The following RFX2 variants were observed in gnomAD, a reference collection of about 807,000 sequenced individuals.
RFX2 encodes DNA-binding protein RFX2.
Under a neutral mutation model 87.8 loss-of-function variants are expected in RFX2, and 20 were observed. The ratio of observed to expected loss-of-function variants is 0.23; its 90% CI spans 0.16 to 0.33. The LOEUF is 0.33. Among genes scored for constraint, RFX2 ranks in the 10% least tolerant of loss-of-function variants. RFX2 has a pLI of 1.00. For missense variants in RFX2, 767 were observed against 1,012.3 expected (o/e 0.76, Z 3.29); for synonymous variants, 397 against 431.3 (o/e 0.92, Z 0.98).
Position 5,997,135 on chromosome 19 carries a change from G to A in RFX2, c.1938C>T (p.Asp646=), listed in dbSNP as rs774312384. Residue 646 remains aspartate (D), a synonymous_variant, in exon 16 of 18, where the codon GAC becomes GAT. Transcript: ENST00000303657. This position sits in a 1 kb window ranked among gnomAD's most constrained non-coding sequence, Gnocchi z 4.2. Reference sequence around the variant, plus strand: ...GCTCCACCAGGTAGAACATGTACTCGTCGTAGAGCAGGCGGATGAGGTGGA... The same window carrying A: ...GCTCCACCAGGTAGAACATGTACTCATCGTAGAGCAGGCGGATGAGGTGGA... ...GSFHLIRLLY[D]EYMFYLVEHR... The A allele has an allele frequency of 2.4e-5, 39 of 1,613,622 alleles. No homozygotes were observed. The highest frequency in any genetic ancestry group is 1.5e-4 in the Admixed American group (9 of 60,006).
chr19:6,004,170 T>C lies in RFX2; in HGVS notation c.1500+31A>G, dbSNP rs534747814. 1.9e-5 allele frequency: 30 copies of C among 1,548,004 alleles called. No homozygotes were observed. The highest frequency in any genetic ancestry group is 2.7e-5 in the African/African-American group (2 of 73,790). On this transcript the variant is annotated intron_variant, in intron 13 of 17. Transcript: ENST00000303657. The surrounding 1 kb of genome is among the most constrained non-coding windows in gnomAD (Gnocchi z 4.8). ...GGACTGGAGCCCCTCCCAGCCATCG[T>C]TGGGGAGCCCAGGCCCCACCCCGGA...
At chr19:6,054,630 G>A (rs573741858) in intron 1 of RFX2, among the ~76,000 whole-genome samples, 129 of 152,178 alleles carry the variant, frequency 8.5e-4, no homozygotes, top group African/African-American at 3.0e-3. Flanking sequence ...AACAGAGAAA[G>A]AAGTCTTTTA....
At chr19:6,031,423 C>CTTTTTTTTTTTTTTTTTTTTTTTTTTTT (rs58834364) in intron 5 of RFX2, among the ~76,000 whole-genome samples, 2 of 90,184 alleles carry the variant, frequency 2.2e-5, no homozygotes, top group Non-Finnish European at 3.9e-5. Flanking sequence ...TTCTCCTTCC[C>CTTTTTTTTTTTTTTTTTTTTTTTTTTTT]TTTTTTTTTT....
chr19:6,109,720 C>T (rs1293706922), intron 1 of RFX2, among the ~76,000 whole-genome samples: 2 of 152,176 alleles, frequency 1.3e-5, no homozygotes, highest in African/African-American at 4.8e-5. Flanking sequence ...CAGGTGGCCC[C>T]AATTCAGGGA....
rs981390543 is a variant in RFX2, at chr19:6,008,117, G to T, written c.1123C>A (p.Arg375=). ...GCTGGGGCGGTCACCTCGCAGTGCCGTCTGTACACCAGCTGCAGGGCCTTG... is the reference window on the plus strand; with the variant it reads ...GCTGGGGCGGTCACCTCGCAGTGCCTTCTGTACACCAGCTGCAGGGCCTTG... ...DVKALQLVYR[R]HCEATVDVVM... The change falls in exon 10 of 18, where the codon CGG becomes AGG. Residue 375 remains arginine (R), a synonymous_variant. Transcript: ENST00000303657. The T allele has an allele frequency of 1.3e-6, 2 of 1,550,976 alleles. No individual in the cohort carries two copies. The highest frequency in any genetic ancestry group is 2.7e-5 in the African/African-American group (2 of 73,170).
intron 1 of RFX2, among the ~76,000 whole-genome samples, chr19:6,054,128 T>C (rs1453658151): frequency 6.6e-6 from 1 of 152,000 alleles, no homozygotes; most frequent in Non-Finnish European, 1.5e-5. Context: ...TACAAACAAC[T>C]TTAGCCCATA....
At chr19:5,996,991 T>C in intron 16 of RFX2, 69 bp downstream of exon 16, 1 of 1,510,706 alleles carries the variant, frequency 6.6e-7, no homozygotes, top group Non-Finnish European at 8.9e-7. Context: ...TCTGGGCTGC[T>C]CAGAGCACAC....
Position 6,002,622 on chromosome 19 carries a change from G to T in RFX2, c.1650+99C>A. ...CAACAGAACCGTGGCCAGGCTCGGG[G>T]CAGGGGCCAGGTTGTGCCACGGGCT... On this transcript the variant is annotated intron_variant, in intron 14 of 17. Transcript: ENST00000303657. The surrounding 1 kb of genome is among the most constrained non-coding windows in gnomAD (Gnocchi z 6.7). The T allele has an allele frequency of 1.4e-6, 2 of 1,459,020 alleles. No individual in the cohort carries two copies. Among genetic ancestry groups the T allele is most frequent in the African/African-American group, 1.4e-5 (1 of 72,060 alleles). The allele number at this position is 1,459,020 out of a possible 1,614,324, so 90.4% of individuals were successfully genotyped here.
In RFX2 at chr19:6,050,462, AG is replaced by A. The variant is rs2087252853; in HGVS notation, c.-8-2959del. 6.6e-6 allele frequency among the ~76,000 whole-genome samples: 1 copy of A among 152,256 alleles called. No individual in the cohort carries two copies. Among genetic ancestry groups the A allele is most frequent in the Admixed American group, 6.5e-5 (1 of 15,290 alleles). ...ACTAAAAATAACTTCAAGAACTTAAAGGAAGTTATATACATAATGAATGAAC... is the reference window on the plus strand; with the variant it reads ...ACTAAAAATAACTTCAAGAACTTAAAGAAGTTATATACATAATGAATGAAC... On this transcript the variant is annotated intron_variant, in intron 1 of 17. Coordinates refer to ENST00000303657, the MANE Select transcript of RFX2 (RefSeq NM_000635.4). This position sits in a 1 kb window ranked among gnomAD's most constrained non-coding sequence, Gnocchi z 4.6.
intron 1 of RFX2, among the ~76,000 whole-genome samples, chr19:6,093,046 T>C (rs1321012762): frequency 6.6e-6 from 1 of 151,986 alleles, no homozygotes; most frequent in Non-Finnish European, 1.5e-5. Context: ...AAGTGGAAAG[T>C]CACCTTTATA....
At chr19:6,100,793 A>G (rs1453445663) in intron 1 of RFX2, among the ~76,000 whole-genome samples, 1 of 152,224 alleles carries the variant, frequency 6.6e-6, no homozygotes, top group Non-Finnish European at 1.5e-5. Context: ...CACACTCATC[A>G]GTGTGAACCA....
Position 6,024,120 on chromosome 19 carries a change from G to T in RFX2, c.597+2043C>A, listed in dbSNP as rs2086855313. ...ATTTTAACTCTCCCGTGGACTTGCT[G>T]CCTGTCCAGGCTCTGCACCCCCATC... is the stretch of plus-strand genomic sequence containing the variant. On this transcript the variant is annotated intron_variant, in intron 6 of 17. Coordinates refer to ENST00000303657, the MANE Select transcript of RFX2 (RefSeq NM_000635.4). This position sits in a 1 kb window ranked among gnomAD's most constrained non-coding sequence, Gnocchi z 5.0. Among the ~76,000 whole-genome samples, 1 of 152,206 alleles carries T rather than the reference G, an allele frequency of 6.6e-6. No individual in the cohort carries two copies. The highest frequency in any genetic ancestry group is 2.1e-4 in the South Asian group (1 of 4,832).
intron 1 of RFX2, among the ~76,000 whole-genome samples, chr19:6,058,342 C>A (rs1481846855): frequency 6.6e-6 from 1 of 152,198 alleles, no homozygotes; most frequent in African/African-American, 2.4e-5. Context: ...TTTGTGATGT[C>A]TAAGAAGGGG....
At chr19:6,075,067 G>A (rs1334187376) in intron 1 of RFX2, among the ~76,000 whole-genome samples, 1 of 152,176 alleles carries the variant, frequency 6.6e-6, no homozygotes, top group African/African-American at 2.4e-5. Flanking sequence ...GACACAGCAA[G>A]AAGACAGCCA....
intron 15 of RFX2, among the ~76,000 whole-genome samples, chr19:6,000,745 C>A (rs1405598385): frequency 6.6e-6 from 1 of 152,212 alleles, no homozygotes; most frequent in East Asian, 1.9e-4. Flanking sequence ...ACCTATTTTT[C>A]TTTATAAATT....
chr19:6,045,658 G>GGT lies in RFX2; in HGVS notation c.91-1377_91-1376insAC, dbSNP rs2087176964. Among the ~76,000 whole-genome samples the GGT allele has an allele frequency of 6.6e-6, 1 of 150,560 alleles. No individual in the cohort carries two copies. The highest frequency in any genetic ancestry group is 2.5e-5 in the African/African-American group (1 of 40,036). ...TGCCTTTTTGTTTTTGCGGAATTGT[G>GGT]TTTTTTTGTTTTTGTTTTTTTGTGT... On this transcript the variant is annotated intron_variant, in intron 2 of 17. Transcript: ENST00000303657. This position sits in a 1 kb window ranked among gnomAD's most constrained non-coding sequence, Gnocchi z 5.2.
intron 5 of RFX2, among the ~76,000 whole-genome samples, chr19:6,028,739 G>A (rs2086919920): frequency 3.9e-5 from 6 of 152,076 alleles, no homozygotes; most frequent in African/African-American, 9.7e-5. Context: ...TGGCATTTAA[G>A]GAAATTTTCG....
intron 9 of RFX2, among the ~76,000 whole-genome samples, chr19:6,009,344 C>T (rs1242093993): frequency 6.6e-6 from 1 of 152,212 alleles, no homozygotes; most frequent in South Asian, 2.1e-4. Flanking sequence ...CCCCACCCCC[C>T]TGCCCTCCCT....
At chr19:6,058,364 A>C (rs2087376737) in intron 1 of RFX2, among the ~76,000 whole-genome samples, 1 of 152,232 alleles carries the variant, frequency 6.6e-6, no homozygotes, top group Admixed American at 6.5e-5. Flanking sequence ...CTGGACAAAC[A>C]GCCCCCGAGT....
Sources: gnomAD v4.1 joint callset for allele counts (sites outside exome capture counted in the v4.1 genomes callset) on GRCh38, gnomAD v4.1.1 for gene constraint, Gnocchi (gnomAD v3.1) non-coding constraint, MANE v1.5 for transcripts, NCBI Gene and HGNC (gene_info 2026-07-23, HGNC 2026-07-21) for gene names.